The following STRN3 variants were observed in gnomAD, a reference collection of about 807,000 sequenced individuals.
STRN3 encodes the protein striatin 3.
STRN3 carries 29 observed loss-of-function variants against 95.6 expected under a neutral mutation model. The observed-to-expected ratio is 0.30, with a 90% confidence interval of 0.23 to 0.41. The LOEUF (loss-of-function observed/expected upper bound fraction) is 0.41, where lower values mean the gene tolerates loss of function less well. STRN3 is among the 10% of genes least tolerant of loss of function. The pLI is 1.00. For missense variants in STRN3, 890 were observed against 972.1 expected (o/e 0.92, Z 1.12); for synonymous variants, 331 against 357.6 (o/e 0.93, Z 0.84).
At chr14:31,001,253 C>G (rs929857745) in intron 1 of STRN3, among the ~76,000 whole-genome samples, 9 of 152,124 alleles carry the variant, frequency 5.9e-5, no homozygotes, top group Admixed American at 6.6e-5. Context: ...TAAAAAGCAG[C>G]AGCCAAATGC....
intron 4 of STRN3, among the ~76,000 whole-genome samples, chr14:30,950,199 C>T (rs1879569413): frequency 1.3e-5 from 2 of 152,052 alleles, no homozygotes; most frequent in Admixed American, 1.3e-4. Context: ...GCAAATAACA[C>T]AGTGGTCGGA....
chr14:30,974,240 C>T (rs113325676), intron 1 of STRN3, among the ~76,000 whole-genome samples: 2,203 of 152,140 alleles, frequency 0.014, 25 homozygotes, highest in Middle Eastern at 0.024. Flanking sequence ...TAACAGAATA[C>T]AAAATCAACA....
intron 1 of STRN3, among the ~76,000 whole-genome samples, chr14:30,999,951 G>A (rs1159707681): frequency 6.6e-6 from 1 of 152,146 alleles, no homozygotes; most frequent in East Asian, 1.9e-4. Flanking sequence ...TCCCAAAGCA[G>A]CTGACTTTTC....
chr14:31,009,562 T>G (rs1245400009), intron 1 of STRN3, among the ~76,000 whole-genome samples: 1 of 150,308 alleles, frequency 6.7e-6, no homozygotes, highest in East Asian at 1.9e-4. Context: ...AATATAGCAG[T>G]GGTTGTTCCT....
At position 30,947,185 on chromosome 14, in the gene STRN3, A is replaced by C. The variant is rs760070196; in HGVS notation, c.621T>G (p.Ser207=). Residue 207 remains serine (S), a synonymous_variant, in exon 5 of 18, where the codon TCT becomes TCG. Transcript: ENST00000357479. ...SQRVRSLLGL[S]NSEPNGSVET... ...CTACTGATCCATTTGGTTCTGAATT[A>C]GATAGTCCAAGTAATGACCTTACCC... 8.1e-6 allele frequency: 13 copies of C among 1,613,318 alleles called. No homozygotes were observed. The African/African-American group carries it at 1.3e-4, about 17-fold the overall frequency.
chr14:30,909,190 G>A (rs1445490930), intron 13 of STRN3, among the ~76,000 whole-genome samples: 3 of 152,168 alleles, frequency 2.0e-5, no homozygotes, highest in Admixed American at 6.5e-5. Context: ...CTGAACTGTA[G>A]ACTTTAATTT....
intron 1 of STRN3, 137 bp from the exon 2 acceptor site, chr14:30,956,379 G>T: frequency 1.3e-6 from 1 of 785,676 alleles, no homozygotes; most frequent in Non-Finnish European, 2.0e-6. Context: ...AACGGGCCAG[G>T]CAATGGCTCA....
chr14:30,929,185 C>T lies in STRN3; in HGVS notation c.1099+16G>A, dbSNP rs773860697. ...ATTGGTATACAAAAATTATAATAGT[C>T]AGAATCTGCACTTACTCTTCACCCC... On this transcript the variant is annotated intron_variant, in intron 8 of 17. Transcript: ENST00000357479. 1 of 1,572,228 alleles carries T rather than the reference C, an allele frequency of 6.4e-7. No homozygotes were observed. The highest frequency in any genetic ancestry group is 1.2e-5 in the South Asian group (1 of 82,998).
intron 1 of STRN3, among the ~76,000 whole-genome samples, chr14:30,958,136 G>A (rs745540018): frequency 6.6e-6 from 1 of 152,100 alleles, no homozygotes; most frequent in African/African-American, 2.4e-5. Flanking sequence ...AAGACAGCGA[G>A]ACCCTGTTTG....
intron 1 of STRN3, among the ~76,000 whole-genome samples, chr14:30,963,464 A>AGTG (rs1880315238): frequency 6.6e-6 from 1 of 152,212 alleles, no homozygotes; most frequent in African/African-American, 2.4e-5. Flanking sequence ...GCTGGAGTGC[A>AGTG]GTGGTGCAGT....
intron 8 of STRN3, among the ~76,000 whole-genome samples, chr14:30,926,879 T>C (rs1425330801): frequency 6.6e-6 from 1 of 152,062 alleles, no homozygotes; most frequent in Non-Finnish European, 1.5e-5. Context: ...ATATACTGAG[T>C]TCCTCTCTGT....
intron 1 of STRN3, among the ~76,000 whole-genome samples, chr14:30,982,182 A>G (rs1034663760): frequency 6.6e-6 from 1 of 151,984 alleles, no homozygotes; most frequent in South Asian, 2.1e-4. Flanking sequence ...AATAAAACTT[A>G]TCTCTTCTAC....
intron 6 of STRN3, among the ~76,000 whole-genome samples, chr14:30,935,610 T>G (rs947075407): frequency 6.6e-6 from 1 of 152,196 alleles, no homozygotes; most frequent in African/African-American, 2.4e-5. Flanking sequence ...GTCACTTATT[T>G]GCATTCTGAT....
At chr14:30,958,358 T>A (rs927829543) in intron 1 of STRN3, among the ~76,000 whole-genome samples, 3 of 152,134 alleles carry the variant, frequency 2.0e-5, no homozygotes, top group Non-Finnish European at 4.4e-5. Context: ...ATGACACTTA[T>A]AAATACATAT....
chr14:31,005,635 A>G (rs1434089545), intron 1 of STRN3, among the ~76,000 whole-genome samples: 9 of 152,364 alleles, frequency 5.9e-5, no homozygotes, highest in African/African-American at 2.2e-4. Flanking sequence ...GAAAAGATTC[A>G]CTAACAGATG....
chr14:31,018,162 A>G (rs935265511), intron 1 of STRN3, among the ~76,000 whole-genome samples: 3 of 151,550 alleles, frequency 2.0e-5, no homozygotes, highest in African/African-American at 7.3e-5. Flanking sequence ...ATAAAAATAT[A>G]TTTCAGGTCA....
At chr14:30,912,251 GT>G in intron 10 of STRN3, 69 bp from the exon 11 acceptor site, 1 of 1,466,596 alleles carries the variant, frequency 6.8e-7, no homozygotes, top group Non-Finnish European at 9.2e-7. Context: ...GTGTTTGTTC[GT>G]TTCTTTTTGG....
intron 1 of STRN3, among the ~76,000 whole-genome samples, chr14:31,010,191 T>C (rs1882905012): frequency 6.6e-6 from 1 of 152,198 alleles, no homozygotes. Context: ...TATAAATTCA[T>C]TAAAACTAAC....
chr14:31,012,766 C>A (rs950256139), intron 1 of STRN3, among the ~76,000 whole-genome samples: 1 of 151,758 alleles, frequency 6.6e-6, no homozygotes, highest in Admixed American at 6.6e-5. Flanking sequence ...TGGTGGTGGG[C>A]GCCTGTAATC....
Sources: allele counts gnomAD v4.1 joint callset (sites outside exome capture counted in the v4.1 genomes callset), GRCh38; gene constraint gnomAD v4.1.1; transcripts MANE v1.5; gene names NCBI Gene and HGNC (gene_info 2026-07-23, HGNC 2026-07-21).